Variants in RAB30 observed in about 807,000 individuals in gnomAD.
RAB30 encodes the protein RAB30, member RAS oncogene family.
A neutral mutation model predicts 25.1 loss-of-function variants in RAB30; 9 were observed. The observed-to-expected ratio is 0.36, with a 90% CI of 0.22 to 0.63. The LOEUF (loss-of-function observed/expected upper bound fraction) is 0.63, where lower values mean the gene tolerates loss of function less well. Among genes scored for constraint, RAB30 ranks in the 20% least tolerant of loss-of-function variants. The probability of loss-of-function intolerance (pLI) is 0.69; values close to 1 mark genes in which losing one functional copy is unlikely to be tolerated. For missense variants in RAB30, 140 were observed against 243.5 expected (o/e 0.58, Z 2.83); for synonymous variants, 77 against 86.4 (o/e 0.89, Z 0.60).
rs189991281 is a variant in RAB30, at chr11:83,013,068, T to A, written c.-8-15744A>T. On this transcript the variant is annotated intron_variant, in intron 1 of 4. Coordinates refer to ENST00000527633, the MANE Select transcript of RAB30 (RefSeq NM_001286060.2). ...GAGTTTCTCCATAGACACTTTTTTT[T>A]AAAATTTATTTTCATTTTTATTTTT... Among the ~76,000 whole-genome samples the A allele has an allele frequency of 8.3e-3, 1,269 of 152,270 alleles. 4 individuals are homozygous for A. Among genetic ancestry groups the A allele is most frequent in the Non-Finnish European group, 0.012 (795 of 68,008 alleles).
intron 1 of RAB30, among the ~76,000 whole-genome samples, chr11:83,054,404 T>C (rs1858415449): frequency 6.6e-6 from 1 of 152,224 alleles, no homozygotes; most frequent in Non-Finnish European, 1.5e-5. Flanking sequence ...ATAATAGATA[T>C]AAAACTTGTG....
chr11:83,053,910 C>T (rs935613370), intron 1 of RAB30, among the ~76,000 whole-genome samples: 1 of 152,030 alleles, frequency 6.6e-6, no homozygotes, highest in Admixed American at 6.6e-5. Context: ...GCCAACATGA[C>T]GAAACCCCGT....
intron 1 of RAB30, among the ~76,000 whole-genome samples, chr11:83,036,197 C>T (rs1375146629): frequency 6.7e-6 from 1 of 148,784 alleles, no homozygotes; most frequent in Admixed American, 6.7e-5. Flanking sequence ...GATGGAGTCT[C>T]ACTCCACCTC....
intron 1 of RAB30, among the ~76,000 whole-genome samples, chr11:83,061,083 C>T (rs1003751914): frequency 1.3e-5 from 2 of 152,208 alleles, no homozygotes; most frequent in Non-Finnish European, 2.9e-5. Flanking sequence ...TTCCCCAGTT[C>T]CAAGGACTTT....
In RAB30 at chr11:82,982,152, C is replaced by T. The variant is rs1021263742; in HGVS notation, c.*13G>A. The stretch of plus-strand genomic sequence containing the variant: ...GCAGTTGCTGATTCCTTTTCTTCTC[C>T]GTGCCTCAGCCTTTAGTTGAAATTA... On this transcript the variant is annotated 3_prime_UTR_variant, in exon 5 of 5. Transcript: ENST00000527633. The T allele has an allele frequency of 1.3e-5, 21 of 1,613,620 alleles. No individual in the cohort carries two copies. The highest frequency in any genetic ancestry group is 4.5e-5 in the East Asian group (2 of 44,894).
chr11:83,021,018 T>G (rs1012864784), intron 1 of RAB30, among the ~76,000 whole-genome samples: 6 of 152,092 alleles, frequency 3.9e-5, no homozygotes, highest in Non-Finnish European at 1.5e-5. Context: ...AACTGAACAC[T>G]TGTTGGGACA....
At chr11:83,005,165 A>G (rs1590847011) in intron 1 of RAB30, among the ~76,000 whole-genome samples, 1 of 152,186 alleles carries the variant, frequency 6.6e-6, no homozygotes, top group Non-Finnish European at 1.5e-5. Flanking sequence ...CCTCAAGAGA[A>G]AGCTCTAATC....
chr11:83,041,868 A>G (rs928873921), intron 1 of RAB30, among the ~76,000 whole-genome samples: 1 of 151,678 alleles, frequency 6.6e-6, no homozygotes, highest in East Asian at 1.9e-4. Context: ...ATGGTGAAAC[A>G]CTGTCTCTAG....
At chr11:83,042,605 C>T (rs1315753888) in intron 1 of RAB30, among the ~76,000 whole-genome samples, 1 of 152,096 alleles carries the variant, frequency 6.6e-6, no homozygotes, top group Non-Finnish European at 1.5e-5. Context: ...GAAATGGCAA[C>T]TTCATGACTA....
At chr11:82,990,234 G>A (rs1263746242) in intron 3 of RAB30, among the ~76,000 whole-genome samples, 2 of 152,124 alleles carry the variant, frequency 1.3e-5, no homozygotes, top group Non-Finnish European at 2.9e-5. Context: ...GCAATCATTG[G>A]TTTACTACTC....
intron 1 of RAB30, among the ~76,000 whole-genome samples, chr11:83,013,886 AC>A (rs1161424439): frequency 6.6e-6 from 1 of 152,232 alleles, no homozygotes; most frequent in Non-Finnish European, 1.5e-5. Context: ...TATCCACTTT[AC>A]CTGCATTATC....
At chr11:83,032,518 C>T (rs913710524) in intron 1 of RAB30, among the ~76,000 whole-genome samples, 2 of 152,108 alleles carry the variant, frequency 1.3e-5, no homozygotes, top group Admixed American at 1.3e-4. Context: ...TTTTTTGAGA[C>T]AGCATCTCAC....
chr11:83,052,491 G>A (rs1858377689), intron 1 of RAB30, among the ~76,000 whole-genome samples: 1 of 152,248 alleles, frequency 6.6e-6, no homozygotes, highest in East Asian at 1.9e-4. Context: ...CATGTTGGAA[G>A]CTAGTTTTCC....
chr11:83,071,598 C>T (rs1392214028), intron 1 of RAB30, 93 bp downstream of exon 1: 1 of 152,348 alleles, frequency 6.6e-6, no homozygotes, highest in Non-Finnish European at 1.5e-5. Flanking sequence ...CCCCCCACCT[C>T]CCCACCGCTC....
At position 82,987,634 on chromosome 11, in the gene RAB30, C is replaced by T. The variant is rs780860864; in HGVS notation, c.314G>A (p.Arg105Gln). The T allele has an allele frequency of 3.0e-5, 49 of 1,613,524 alleles. No individual in the cohort carries two copies. Among genetic ancestry groups the T allele is most frequent in the African/African-American group, 5.3e-5 (4 of 74,834 alleles). ...ESFRCLPEWLREIEQYASNKV... is the reference protein window; with the variant it reads ...ESFRCLPEWLQEIEQYASNKV... ...GTTGCTGGCATATTGTTCTATCTCC[C>T]GCAGCCACTCAGGAAGGCAACGGAA... The change falls in exon 4 of 5, where the codon CGG (arginine) becomes CAG (glutamine). Residue 105 changes from arginine to glutamine, a missense_variant. By Grantham distance (43) the Arg-to-Gln change is conservative. Coordinates refer to ENST00000527633, the MANE Select transcript of RAB30 (RefSeq NM_001286060.2).
chr11:82,993,921 A>G, intron 3 of RAB30, 118 bp downstream of exon 3: 1 of 768,406 alleles, frequency 1.3e-6, no homozygotes, highest in Non-Finnish European at 2.1e-6. Flanking sequence ...ATTATGGCTG[A>G]GTGCATTGTT....
chr11:83,056,941 C>G (rs1858470060), intron 1 of RAB30, among the ~76,000 whole-genome samples: 2 of 152,040 alleles, frequency 1.3e-5, no homozygotes, highest in South Asian at 4.1e-4. Context: ...ATTTTAAAAG[C>G]AAAAAGCATG....
intron 1 of RAB30, among the ~76,000 whole-genome samples, chr11:83,051,398 C>T (rs1858354572): frequency 1.3e-5 from 2 of 152,184 alleles, no homozygotes; most frequent in Non-Finnish European, 2.9e-5. Context: ...TTCATGGTTA[C>T]ATAAAATACC....
intron 1 of RAB30, among the ~76,000 whole-genome samples, chr11:83,000,487 G>T (rs1171018215): frequency 1.3e-5 from 2 of 152,168 alleles, no homozygotes; most frequent in Admixed American, 1.3e-4. Context: ...ACTCACGGAA[G>T]GCACATGGAC....
Sources: allele counts gnomAD v4.1 joint callset (sites outside exome capture counted in the v4.1 genomes callset), GRCh38; gene constraint gnomAD v4.1.1; transcripts MANE v1.5; gene names NCBI Gene and HGNC (gene_info 2026-07-23, HGNC 2026-07-21).